The following SNRNP40 variants were observed in gnomAD, a reference collection of about 807,000 sequenced individuals.
SNRNP40 encodes the protein small nuclear ribonucleoprotein U5 subunit 40.
Under a neutral mutation model 45.8 loss-of-function variants are expected in SNRNP40, and 21 were observed. That is an observed-to-expected ratio of 0.46 (90% CI 0.32 to 0.66). SNRNP40 has a LOEUF of 0.66. Among genes scored for constraint, SNRNP40 ranks in the 30% least tolerant of loss-of-function variants. The pLI, the probability that SNRNP40 is intolerant of heterozygous loss-of-function variation, is 0.03. For synonymous variants in SNRNP40, 142 were observed against 163.8 expected (o/e 0.87, Z 1.01); for missense variants, 344 against 439.1 (o/e 0.78, Z 1.94).
At position 31,295,087 on chromosome 1, in the gene SNRNP40, T is replaced by A. The variant is rs142030160; in HGVS notation, c.141+1524A>T. Among the ~76,000 whole-genome samples, 14 of 152,170 alleles carry A rather than the reference T, an allele frequency of 9.2e-5. No homozygotes were observed. In the East Asian group the frequency reaches 2.5e-3, roughly 27 times the overall value. On this transcript the variant is annotated intron_variant, in intron 1 of 9. Coordinates refer to ENST00000263694, the MANE Select transcript of SNRNP40 (RefSeq NM_004814.3). ...CAAGCAAACTATATATGTGGTGTCA[T>A]GTGCTATAGAGCAAAAGAAGGGATG...
intron 3 of SNRNP40, among the ~76,000 whole-genome samples, chr1:31,289,682 C>T (rs1262590000): frequency 6.6e-6 from 1 of 152,192 alleles, no homozygotes; most frequent in Non-Finnish European, 1.5e-5. Context: ...TCTAATGTAG[C>T]AGTTTGCTCT....
chr1:31,270,193 T>C (rs987299641), intron 6 of SNRNP40, among the ~76,000 whole-genome samples: 5 of 152,206 alleles, frequency 3.3e-5, no homozygotes, highest in African/African-American at 9.6e-5. Context: ...TGAGATGATA[T>C]ATGTGCAAAG....
At chr1:31,294,506 C>A (rs972485464) in intron 1 of SNRNP40, among the ~76,000 whole-genome samples, 1 of 151,768 alleles carries the variant, frequency 6.6e-6, no homozygotes, top group Admixed American at 6.6e-5. Flanking sequence ...GTTGCCCAGG[C>A]TGGAGTACAA....
rs1159985762 is a variant in SNRNP40, at chr1:31,282,615, C to CATCTA, written c.532-1120_532-1119insTAGAT. 83 of 148,128 alleles carry CATCTA rather than the reference C, an allele frequency of 5.6e-4. 1 individual carries two copies. The highest frequency in any genetic ancestry group is 1.3e-4 in the Non-Finnish European group (9 of 67,238). 9.2% of individuals were successfully genotyped at this position (148,128 alleles called of 1,614,324 possible). A position where few individuals can be genotyped will look rare whatever the true frequency, so the allele number is the denominator to read the frequency against. On this transcript the variant is annotated intron_variant, in intron 4 of 9. Coordinates refer to ENST00000263694, the MANE Select transcript of SNRNP40 (RefSeq NM_004814.3). ...TCTATCTATCTATCTATCTATCTAT[C>CATCTA]TTTCTATCATCTATATCTATCTATC...
At chr1:31,289,159 A>T in intron 4 of SNRNP40, 95 bp downstream of exon 4, 1 of 1,122,392 alleles carries the variant, frequency 8.9e-7, no homozygotes, top group Non-Finnish European at 1.3e-6. Context: ...GCTAAAATTA[A>T]GTTTTGCACA....
intron 4 of SNRNP40, among the ~76,000 whole-genome samples, chr1:31,286,146 C>T (rs1196128836): frequency 6.7e-6 from 1 of 149,984 alleles, no homozygotes; most frequent in Admixed American, 6.8e-5. Flanking sequence ...GACAGTCAGG[C>T]AATATATGTA....
intron 5 of SNRNP40, among the ~76,000 whole-genome samples, chr1:31,272,569 T>A (rs1645945936): frequency 6.6e-6 from 1 of 152,212 alleles, no homozygotes; most frequent in African/African-American, 2.4e-5. Flanking sequence ...CTGGGCCTGT[T>A]TCCTGGTCTG....
chr1:31,289,766 C>G (rs979835916), intron 3 of SNRNP40, among the ~76,000 whole-genome samples: 5 of 152,152 alleles, frequency 3.3e-5, no homozygotes, highest in Admixed American at 1.3e-4. Flanking sequence ...TTAATAACTC[C>G]CTGGTGCTGC....
chr1:31,295,296 G>C (rs1646137233), intron 1 of SNRNP40, among the ~76,000 whole-genome samples: 1 of 152,166 alleles, frequency 6.6e-6, no homozygotes, highest in Non-Finnish European at 1.5e-5. Context: ...CCAGGTGGTG[G>C]AGGCTGTACT....
intron 4 of SNRNP40, among the ~76,000 whole-genome samples, chr1:31,285,950 G>A (rs927643631): frequency 2.0e-5 from 3 of 152,240 alleles, no homozygotes; most frequent in Non-Finnish European, 4.4e-5. Flanking sequence ...TAATTAGGTC[G>A]ATTTGATAAT....
intron 7 of SNRNP40, 141 bp downstream of exon 7, chr1:31,269,017 G>T: frequency 2.7e-6 from 2 of 729,538 alleles, no homozygotes; most frequent in Non-Finnish European, 4.2e-6. Flanking sequence ...TTTTATTTTT[G>T]GCAACAAGTT....
chr1:31,271,478 T>C lies in SNRNP40; in HGVS notation c.676A>G (p.Lys226Glu). The change falls in exon 6 of 10, where the codon AAG becomes GAG. Residue 226 changes from lysine (K) to glutamate (E), a missense_variant. By Grantham distance (56) the Lys-to-Glu change is moderately conservative. Coordinates refer to ENST00000263694, the MANE Select transcript of SNRNP40 (RefSeq NM_004814.3). ...TGGCCTCTCATGGTGTAGGTTAGCT[T>C]GTTCTGGCGCAGGTCCCAGACCTGC... ...DIKVWDLRQN[K>E]LTYTMRGHAD... 6.2e-7 allele frequency: 1 copy of C among 1,613,636 alleles called. No individual in the cohort carries two copies. Among genetic ancestry groups the C allele is most frequent in the Non-Finnish European group, 8.5e-7 (1 of 1,179,872 alleles).
At chr1:31,261,485 G>A in intron 9 of SNRNP40, 44 bp downstream of exon 9, 1 of 1,296,658 alleles carries the variant, frequency 7.7e-7, no homozygotes. Context: ...ATCCCTACGG[G>A]GAGATTTCCA....
intron 1 of SNRNP40, among the ~76,000 whole-genome samples, chr1:31,294,761 G>A (rs561771739): frequency 6.6e-6 from 1 of 152,128 alleles, no homozygotes; most frequent in East Asian, 1.9e-4. Flanking sequence ...CCAACATGGT[G>A]AAACTCCGTC....
intron 4 of SNRNP40, 65 bp from the exon 5 acceptor site, chr1:31,281,561 T>C: frequency 6.8e-7 from 1 of 1,462,866 alleles, no homozygotes; most frequent in African/African-American, 1.4e-5. Context: ...ACAGTACAAA[T>C]ATCCCTTAAG....
rs192720719 is a variant in SNRNP40 at position 31,295,077 on chromosome 1, T to C, written c.141+1534A>G. On this transcript the variant is annotated intron_variant, in intron 1 of 9. Transcript: ENST00000263694. ...TGAGAGAAAACAAGCAAACTATATA[T>C]GTGGTGTCATGTGCTATAGAGCAAA... 1.1e-3 allele frequency among the ~76,000 whole-genome samples: 168 copies of C among 151,842 alleles called. 1 individual carries two copies. The highest frequency in any genetic ancestry group is 3.9e-3 in the African/African-American group (162 of 41,364).
At chr1:31,290,257 A>C (rs1646094243) in intron 3 of SNRNP40, among the ~76,000 whole-genome samples, 1 of 151,194 alleles carries the variant, frequency 6.6e-6, no homozygotes, top group Non-Finnish European at 1.5e-5. Flanking sequence ...CTGGTTTTGA[A>C]CTCTTGGGCT....
At chr1:31,264,898 A>C (rs1395663903) in intron 8 of SNRNP40, among the ~76,000 whole-genome samples, 3 of 152,204 alleles carry the variant, frequency 2.0e-5, no homozygotes, top group Admixed American at 1.3e-4. Context: ...CCAAGGGTTT[A>C]CACTTCAAGG....
chr1:31,271,518 G>A lies in SNRNP40; in HGVS notation c.655-19C>T. 1 of 1,592,310 alleles carries A rather than the reference G, an allele frequency of 6.3e-7. No homozygotes were observed. The highest frequency in any genetic ancestry group is 8.5e-7 in the Non-Finnish European group (1 of 1,174,376). On this transcript the variant is annotated intron_variant, in intron 5 of 9. Transcript: ENST00000263694. ...CCCAGACCTGCAAAAACAGAAAGGTGCCCCCAGAAATCAAATTAATAAAAG... is the reference window on the plus strand; with the variant it reads ...CCCAGACCTGCAAAAACAGAAAGGTACCCCCAGAAATCAAATTAATAAAAG...
Sources: gnomAD v4.1 joint callset for allele counts (sites outside exome capture counted in the v4.1 genomes callset) on GRCh38, gnomAD v4.1.1 for gene constraint, MANE v1.5 for transcripts, NCBI Gene and HGNC (gene_info 2026-07-23, HGNC 2026-07-21) for gene names.